LSAMP: variants seen among roughly 807,000 people sequenced by gnomAD.
LSAMP encodes the protein limbic system-associated membrane protein.
A neutral mutation model predicts 38.6 loss-of-function variants in LSAMP; 7 were observed. The observed-to-expected ratio is 0.18, with a 90% CI of 0.10 to 0.34. The LOEUF (loss-of-function observed/expected upper bound fraction) is 0.34, where lower values mean the gene tolerates loss of function less well. Ranked by LOEUF, LSAMP falls within the 10% of genes least tolerant of loss-of-function variation. The probability of loss-of-function intolerance (pLI) is 1.00; values close to 1 mark genes in which losing one functional copy is unlikely to be tolerated. For synonymous variants in LSAMP, 154 were observed against 166.8 expected, an observed-to-expected ratio of 0.92 and a Z score of 0.59; for missense variants, 313 against 420.0, an observed-to-expected ratio of 0.75 and a Z score of 2.23.
chr3:116,417,204 A>G (rs1300353528), intron 1 of LSAMP, among the ~76,000 whole-genome samples: 1 of 152,222 alleles, frequency 6.6e-6, no homozygotes, highest in African/African-American at 2.4e-5. Context: ...CCTGAGCACC[A>G]TAAATTAAGC....
At chr3:115,848,360 G>A (rs564880174) in intron 4 of LSAMP, among the ~76,000 whole-genome samples, 81 of 152,312 alleles carry the variant, frequency 5.3e-4, no homozygotes, top group Non-Finnish European at 7.8e-4. Flanking sequence ...GGAGGCAGAC[G>A]TTGCAGTTAG....
At chr3:116,087,917 C>G (rs957342340) in intron 1 of LSAMP, among the ~76,000 whole-genome samples, 2 of 143,826 alleles carry the variant, frequency 1.4e-5, no homozygotes, top group Non-Finnish European at 3.0e-5. Flanking sequence ...TTTTTTGAGA[C>G]AGATCTTGTT....
At chr3:116,211,211 G>A (rs2046152303) in intron 1 of LSAMP, among the ~76,000 whole-genome samples, 1 of 152,172 alleles carries the variant, frequency 6.6e-6, no homozygotes, top group African/African-American at 2.4e-5. Context: ...TTGGCAAGAT[G>A]TTGGTCAAAG....
intron 6 of LSAMP, among the ~76,000 whole-genome samples, chr3:115,836,166 G>C (rs1047250029): frequency 1.3e-5 from 2 of 151,996 alleles, no homozygotes; most frequent in East Asian, 3.9e-4. Flanking sequence ...CCTCCTTTCA[G>C]TGCCTTTCAA....
At chr3:116,194,377 T>TTTTG (rs138140039) in intron 1 of LSAMP, among the ~76,000 whole-genome samples, 2,364 of 151,206 alleles carry the variant, frequency 0.016, 22 homozygotes, top group East Asian at 0.031. Flanking sequence ...GGGAATTGTT[T>TTTTG]TTTGTTTGTT....
chr3:115,834,372 T>G (rs780803911), intron 6 of LSAMP, among the ~76,000 whole-genome samples: 7 of 152,176 alleles, frequency 4.6e-5, no homozygotes, highest in Non-Finnish European at 7.4e-5. Context: ...GATAATAGTC[T>G]TGTTCCATGC....
At chr3:116,105,374 T>C (rs1708440569) in intron 1 of LSAMP, among the ~76,000 whole-genome samples, 1 of 152,144 alleles carries the variant, frequency 6.6e-6, no homozygotes, top group Non-Finnish European at 1.5e-5. Context: ...CGCGTCCGTG[T>C]GAAAAGACCA....
intron 4 of LSAMP, among the ~76,000 whole-genome samples, chr3:115,847,254 G>T (rs760636447): frequency 2.6e-5 from 4 of 152,040 alleles, no homozygotes; most frequent in Non-Finnish European, 5.9e-5. Context: ...TGATATAGTT[G>T]GTCTCCCATG....
chr3:115,873,489 A>G (rs1311495598), intron 3 of LSAMP, among the ~76,000 whole-genome samples: 1 of 152,156 alleles, frequency 6.6e-6, no homozygotes, highest in African/African-American at 2.4e-5. Context: ...AAATCTAGAA[A>G]ATAAGAGAAA....
intron 1 of LSAMP, among the ~76,000 whole-genome samples, chr3:116,289,322 T>C (rs1047791068): frequency 6.6e-6 from 1 of 152,234 alleles, no homozygotes; most frequent in South Asian, 2.1e-4. Context: ...CCATAACATA[T>C]GAAAGGCTCT....
chr3:116,264,772 CTAATTTT>C (rs2046871561), intron 1 of LSAMP, among the ~76,000 whole-genome samples: 1 of 152,054 alleles, frequency 6.6e-6, no homozygotes, highest in South Asian at 2.1e-4. Flanking sequence ...CAGCTATTTT[CTAATTTT>C]TACTTTTTGC....
chr3:116,149,323 C>T lies in LSAMP; in HGVS notation c.156-62767G>A, dbSNP rs770883134. Among the ~76,000 whole-genome samples, 76 of 152,020 alleles carry T rather than the reference C, an allele frequency of 5.0e-4. No homozygotes were observed. In the Middle Eastern group the frequency reaches 0.014, roughly 27 times the overall value. On this transcript the variant is annotated intron_variant, in intron 1 of 6. Transcript: ENST00000490035. ...GGAGGGTGTGCACTGCCTTTGCTGT[C>T]CCTAACAGGAAATTACAAATCCAAA... is the stretch of plus-strand genomic sequence containing the variant.
chr3:116,111,770 T>A (rs1708621880), intron 1 of LSAMP, among the ~76,000 whole-genome samples: 1 of 152,370 alleles, frequency 6.6e-6, no homozygotes, highest in African/African-American at 2.4e-5. Context: ...ATTCCGTTTT[T>A]ACTACTCTTC....
At chr3:115,918,835 A>T (rs74789540) in intron 3 of LSAMP, among the ~76,000 whole-genome samples, 8,666 of 150,916 alleles carry the variant, frequency 0.057, 835 homozygotes, top group African/African-American at 0.2. Context: ...GCTATCATTT[A>T]TGTAGCGTTT....
At chr3:116,169,242 G>C (rs914853573) in intron 1 of LSAMP, among the ~76,000 whole-genome samples, 11 of 152,080 alleles carry the variant, frequency 7.2e-5, no homozygotes, top group Non-Finnish European at 2.9e-5. Flanking sequence ...GCTCTCTACT[G>C]TTGGGAGTCA....
chr3:116,209,844 C>A (rs115066170), intron 1 of LSAMP, among the ~76,000 whole-genome samples: 4 of 152,128 alleles, frequency 2.6e-5, no homozygotes, highest in Non-Finnish European at 5.9e-5. Flanking sequence ...CTCCGCCACC[C>A]GGGTTGACGC....
intron 1 of LSAMP, among the ~76,000 whole-genome samples, chr3:116,159,094 C>T (rs1709823799): frequency 6.6e-6 from 1 of 152,004 alleles, no homozygotes; most frequent in African/African-American, 2.4e-5. Context: ...ACACCATATA[C>T]AAAAATCAAC....
chr3:116,279,251 G>C (rs1194635939), intron 1 of LSAMP, among the ~76,000 whole-genome samples: 1 of 152,132 alleles, frequency 6.6e-6, no homozygotes, highest in African/African-American at 2.4e-5. Flanking sequence ...TAAATTACCA[G>C]TCACAAGGAG....
intron 6 of LSAMP, among the ~76,000 whole-genome samples, chr3:115,829,857 G>T (rs546208067): frequency 5.5e-4 from 84 of 152,190 alleles, no homozygotes; most frequent in African/African-American, 1.9e-3. Context: ...AATATAATAA[G>T]AATACATTGA....
Sources: allele counts gnomAD v4.1 joint callset (sites outside exome capture counted in the v4.1 genomes callset), GRCh38; gene constraint gnomAD v4.1.1; transcripts MANE v1.5; gene names NCBI Gene and HGNC (gene_info 2026-07-23, HGNC 2026-07-21).